Variants in INPP5D observed in about 807,000 individuals in gnomAD.
INPP5D encodes inositol polyphosphate-5-phosphatase D, also known as phosphatidylinositol 3,4,5-trisphosphate 5-phosphatase 1.
INPP5D carries 33 observed loss-of-function variants against 122.9 expected under a neutral mutation model. That is an observed-to-expected ratio of 0.27 (90% confidence interval 0.20 to 0.36). The LOEUF is 0.36. INPP5D is among the 10% of genes least tolerant of loss of function. INPP5D has a pLI of 1.00. For missense variants in INPP5D, 1,053 were observed against 1,412.7 expected (o/e 0.75, Z 4.08); for synonymous variants, 584 against 576.2 (o/e 1.01, Z -0.19).
chr2:233,138,700 A>C (rs1253461825), intron 5 of INPP5D, among the ~76,000 whole-genome samples: 1 of 151,776 alleles, frequency 6.6e-6, no homozygotes, highest in East Asian at 1.9e-4. Flanking sequence ...AGCTATATGA[A>C]CAAAGTTGTT....
At chr2:233,104,716 G>A (rs1371735165) in intron 2 of INPP5D, among the ~76,000 whole-genome samples, 1 of 152,142 alleles carries the variant, frequency 6.6e-6, no homozygotes, top group African/African-American at 2.4e-5. Flanking sequence ...AGGACTTGAC[G>A]GTGAATCGTT....
rs1694459693 is a variant in INPP5D at position 233,170,313 on chromosome 2, T to C, written c.1791+149T>C. The C allele has an allele frequency of 3.2e-5, 47 of 1,486,738 alleles. No homozygotes were observed. In the South Asian group the frequency reaches 6.3e-4, roughly 20 times the overall value. The allele number at this position is 1,486,738 out of a possible 1,614,324, so 92.1% of individuals were successfully genotyped here. ...GGGGGCTCAACGCTGTTTCCATTAC[T>C]GAGCCTCAGCCGCTCCTCACGGTTC... On this transcript the variant is annotated intron_variant, in intron 15 of 26. Coordinates refer to ENST00000445964, the MANE Select transcript of INPP5D (RefSeq NM_001017915.3). The surrounding 1 kb of genome is among the most constrained non-coding windows in gnomAD (Gnocchi z 4.5).
Position 233,105,233 on chromosome 2 carries a change from A to T in INPP5D, c.199-16874A>T, listed in dbSNP as rs1347219854. Among the ~76,000 whole-genome samples the T allele has an allele frequency of 3.3e-5, 5 of 152,136 alleles. No individual in the cohort carries two copies. Among genetic ancestry groups the T allele is most frequent in the Non-Finnish European group, 7.4e-5 (5 of 68,014 alleles). ...GGGGGCGGTCAGTGGGTCCCAGGGA[A>T]CTGGGTAGGACAGCAGCTGCGCTCT... On this transcript the variant is annotated intron_variant, in intron 2 of 26. Transcript: ENST00000445964. The surrounding 1 kb of genome is among the most constrained non-coding windows in gnomAD (Gnocchi z 4.0).
At chr2:233,095,005 G>A (rs939158171) in intron 2 of INPP5D, among the ~76,000 whole-genome samples, 1 of 152,166 alleles carries the variant, frequency 6.6e-6, no homozygotes, top group South Asian at 2.1e-4. Context: ...GGTCAAAGAA[G>A]AATCCTAACA....
chr2:233,099,390 C>T lies in INPP5D; in HGVS notation c.198+19992C>T, dbSNP rs564792928. Among the ~76,000 whole-genome samples, 6 of 152,374 alleles carry T rather than the reference C, an allele frequency of 3.9e-5. No homozygotes were observed. The East Asian group carries it at 9.6e-4, about 24-fold the overall frequency. On this transcript the variant is annotated intron_variant, in intron 2 of 26. Coordinates refer to ENST00000445964, the MANE Select transcript of INPP5D (RefSeq NM_001017915.3). ...TCCTCCTAGCTGGATGGCAGCCCCA[C>T]ATTGGAAGGCCTGCCTCCTGGATCC...
intron 2 of INPP5D, among the ~76,000 whole-genome samples, chr2:233,117,195 A>G (rs1268397842): frequency 6.6e-6 from 1 of 152,130 alleles, no homozygotes; most frequent in African/African-American, 2.4e-5. Flanking sequence ...GGAATGGGGA[A>G]CGAAGTGTGG....
intron 5 of INPP5D, 58 bp downstream of exon 5, chr2:233,130,706 G>A: frequency 6.3e-7 from 1 of 1,577,970 alleles, no homozygotes. Flanking sequence ...GAGAGAAACA[G>A]CTCATGAGAG....
At chr2:233,184,640 T>G (rs1694862451) in intron 20 of INPP5D, 119 bp downstream of exon 20, 1 of 1,400,120 alleles carries the variant, frequency 7.1e-7, no homozygotes, top group African/African-American at 1.4e-5. Context: ...ACGAAGCTGA[T>G]CAGAGAAGTG....
At chr2:233,180,028 C>T (rs1228724750) in intron 18 of INPP5D, among the ~76,000 whole-genome samples, 1 of 152,178 alleles carries the variant, frequency 6.6e-6, no homozygotes, top group Non-Finnish European at 1.5e-5. Flanking sequence ...GGCTGGCTGT[C>T]AGCAGGCATA....
intron 21 of INPP5D, among the ~76,000 whole-genome samples, chr2:233,187,518 G>C (rs1452051425): frequency 6.6e-6 from 1 of 152,238 alleles, no homozygotes; most frequent in African/African-American, 2.4e-5. Flanking sequence ...GCAGGTTTCA[G>C]GGGGCTGGAC....
In INPP5D at chr2:233,204,357, T is replaced by C. The variant is rs757006217; in HGVS notation, c.3207T>C (p.Asp1069=). The change falls in exon 26 of 27, where the codon GAT becomes GAC. Residue 1069 remains aspartate, a synonymous_variant. Transcript: ENST00000445964. The stretch of plus-strand genomic sequence containing the variant: ...TGCTCACCAAAGCCCAGGAGGCTGA[T>C]CGCGGCGAGGGGCCCGGCAAGCAGG... ...SIVLTKAQEA[D]RGEGPGKQVP... is the part of the protein sequence containing the mutation. 6.2e-7 allele frequency: 1 copy of C among 1,610,262 alleles called. No homozygotes were observed. The highest frequency in any genetic ancestry group is 1.1e-5 in the South Asian group (1 of 90,872).
In INPP5D at chr2:233,071,305, A is replaced by G. The variant is rs565868577; in HGVS notation, c.135-8030A>G. ...GTCTCTGCCTCAAAAAAAGGAAAAA[A>G]AAAAAGATTTATGTGTATTTTTCTC... is the stretch of plus-strand genomic sequence containing the variant. On this transcript the variant is annotated intron_variant, in intron 1 of 26. Coordinates refer to ENST00000445964, the MANE Select transcript of INPP5D (RefSeq NM_001017915.3). Among the ~76,000 whole-genome samples the G allele has an allele frequency of 2.6e-5, 4 of 152,144 alleles. No homozygotes were observed. In the South Asian group the frequency reaches 8.3e-4, roughly 32 times the overall value.
intron 2 of INPP5D, among the ~76,000 whole-genome samples, chr2:233,101,614 A>G (rs1692313096): frequency 6.9e-6 from 1 of 144,482 alleles, no homozygotes. Flanking sequence ...AATAATTATA[A>G]TATATAATTA....
intron 1 of INPP5D, among the ~76,000 whole-genome samples, chr2:233,077,867 A>G (rs1389794599): frequency 1.3e-5 from 2 of 151,936 alleles, no homozygotes; most frequent in African/African-American, 4.8e-5. Context: ...CTCAAAAAAA[A>G]AAAAAAAAAA....
At chr2:233,113,324 C>G (rs1692683714) in intron 2 of INPP5D, among the ~76,000 whole-genome samples, 1 of 152,064 alleles carries the variant, frequency 6.6e-6, no homozygotes. Flanking sequence ...GGCCCCAGGT[C>G]CAAGGTCTGC....
intron 1 of INPP5D, among the ~76,000 whole-genome samples, chr2:233,072,107 G>A (rs76251194): frequency 0.07 from 10,615 of 152,272 alleles, 458 homozygotes; most frequent in Admixed American, 0.095. Flanking sequence ...AATCGCTATG[G>A]ACCACCTGGG....
chr2:233,173,208 CAAAAAAAAA>C (rs199492575), intron 17 of INPP5D, among the ~76,000 whole-genome samples: 26 of 100,060 alleles, frequency 2.6e-4, no homozygotes, highest in African/African-American at 9.8e-4. Flanking sequence ...GACTGTGTCT[CAAAAAAAAA>C]AAAAAAAAAA....
At chr2:233,163,499 A>G (rs1415321834) in intron 11 of INPP5D, among the ~76,000 whole-genome samples, 1 of 152,142 alleles carries the variant, frequency 6.6e-6, no homozygotes, top group Non-Finnish European at 1.5e-5. Context: ...TTACGTTTAA[A>G]AAGAGGCTTA....
At chr2:233,144,068 T>C (rs1693684732) in intron 6 of INPP5D, among the ~76,000 whole-genome samples, 1 of 136,974 alleles carries the variant, frequency 7.3e-6, no homozygotes, top group South Asian at 2.2e-4. Flanking sequence ...GAGGTGGTCA[T>C]GATCATGGAA....
Sources: gnomAD v4.1 joint callset for allele counts (sites outside exome capture counted in the v4.1 genomes callset) on GRCh38, gnomAD v4.1.1 for gene constraint, Gnocchi (gnomAD v3.1) non-coding constraint, MANE v1.5 for transcripts, NCBI Gene and HGNC (gene_info 2026-07-23, HGNC 2026-07-21) for gene names.